Variants in CCSER1 observed in about 807,000 individuals in gnomAD.
CCSER1 encodes the protein serine-rich coiled-coil domain-containing protein 1.
CCSER1 carries 41 observed loss-of-function variants against 82.0 expected under a neutral mutation model. That is an observed-to-expected ratio of 0.50 (90% CI 0.39 to 0.65). The LOEUF is 0.65. CCSER1 is among the 30% of genes least tolerant of loss of function. CCSER1 has a pLI of 0.00. For synonymous variants in CCSER1, 414 were observed against 383.9 expected (o/e 1.08, Z -0.92); for missense variants, 1,119 against 1,064.2 (o/e 1.05, Z -0.72).
chr4:91,382,136 C>T (rs1180782092), intron 10 of CCSER1, among the ~76,000 whole-genome samples: 1 of 152,156 alleles, frequency 6.6e-6, no homozygotes, highest in African/African-American at 2.4e-5. Context: ...CAGAGGTGTA[C>T]CCAGCTGTGT....
Position 90,319,177 on chromosome 4 carries a change from G to A in CCSER1, c.1509+6130G>A, listed in dbSNP as rs547463668. Among the ~76,000 whole-genome samples the A allele has an allele frequency of 2.6e-5, 4 of 152,242 alleles. No individual in the cohort carries two copies. The South Asian group carries it at 8.3e-4, about 32-fold the overall frequency. ...CTAGTGCTGAGCAGGTTTGCTGAAAGAAAGTTGGGACAGTAAAGAAGAACG... is the reference window on the plus strand; with the variant it reads ...CTAGTGCTGAGCAGGTTTGCTGAAAAAAAGTTGGGACAGTAAAGAAGAACG... On this transcript the variant is annotated intron_variant, in intron 3 of 10. Coordinates refer to ENST00000509176, the MANE Select transcript of CCSER1 (RefSeq NM_001145065.2).
chr4:91,096,240 C>G (rs942042868), intron 10 of CCSER1, among the ~76,000 whole-genome samples: 29 of 152,260 alleles, frequency 1.9e-4, no homozygotes, highest in African/African-American at 7.0e-4. Flanking sequence ...TCTCCTGCAG[C>G]TTCTCTTCCT....
At chr4:90,385,725 T>G (rs1749934402) in intron 3 of CCSER1, among the ~76,000 whole-genome samples, 2 of 152,136 alleles carry the variant, frequency 1.3e-5, no homozygotes, top group South Asian at 4.2e-4. Context: ...TAATTTGCAT[T>G]TCCCTGATGG....
intron 5 of CCSER1, among the ~76,000 whole-genome samples, chr4:90,496,988 A>G (rs1189879945): frequency 6.6e-6 from 1 of 151,418 alleles, no homozygotes; most frequent in Non-Finnish European, 1.5e-5. Context: ...AAAAAAAAAA[A>G]AAAAAGAAAG....
In CCSER1 at chr4:91,375,520, T is replaced by C. The variant is rs528202529; in HGVS notation, c.2218-223052T>C. ...TGATGTGGGATACTTCACTGTTGTC[T>C]TTTTTTTTTTTTTTTAAGACAACTA... is the stretch of plus-strand genomic sequence containing the variant. On this transcript the variant is annotated intron_variant, in intron 10 of 10. Coordinates refer to ENST00000509176, the MANE Select transcript of CCSER1 (RefSeq NM_001145065.2). Among the ~76,000 whole-genome samples the C allele has an allele frequency of 1.2e-4, 14 of 112,646 alleles. No homozygotes were observed. In the East Asian group the frequency reaches 2.3e-3, roughly 19 times the overall value. 73.9% of individuals were successfully genotyped at this position (112,646 alleles called of 152,430 possible).
At chr4:90,237,675 A>G (rs1343942173) in intron 1 of CCSER1, among the ~76,000 whole-genome samples, 2 of 152,218 alleles carry the variant, frequency 1.3e-5, no homozygotes, top group Non-Finnish European at 2.9e-5. Flanking sequence ...ACCTACCTAT[A>G]TATGAAGCCA....
At chr4:90,378,706 G>A (rs940092920) in intron 3 of CCSER1, among the ~76,000 whole-genome samples, 6 of 152,182 alleles carry the variant, frequency 3.9e-5, no homozygotes, top group South Asian at 2.1e-4. Flanking sequence ...TCAAGAAATC[G>A]TTTAGTGTTA....
At chr4:91,310,056 T>A (rs1745358447) in intron 10 of CCSER1, among the ~76,000 whole-genome samples, 1 of 151,938 alleles carries the variant, frequency 6.6e-6, no homozygotes, top group African/African-American at 2.4e-5. Flanking sequence ...CACAATCTCC[T>A]TATGTGGTTG....
chr4:90,447,128 G>A (rs951161447), intron 4 of CCSER1, among the ~76,000 whole-genome samples: 3 of 152,128 alleles, frequency 2.0e-5, no homozygotes, highest in Non-Finnish European at 2.9e-5. Context: ...ACTGCACGTT[G>A]TCCAAGAGTT....
At chr4:90,968,602 G>A (rs113102764) in intron 9 of CCSER1, among the ~76,000 whole-genome samples, 1 of 152,052 alleles carries the variant, frequency 6.6e-6, no homozygotes, top group Non-Finnish European at 1.5e-5. Flanking sequence ...TCCTCAAGAG[G>A]GAACAGGAGG....
intron 9 of CCSER1, among the ~76,000 whole-genome samples, chr4:91,030,582 G>A (rs1297811347): frequency 1.3e-5 from 2 of 151,982 alleles, no homozygotes; most frequent in Non-Finnish European, 2.9e-5. Flanking sequence ...GAAAATAAGT[G>A]ACCTTTTCAA....
intron 10 of CCSER1, among the ~76,000 whole-genome samples, chr4:91,296,480 T>C (rs1744183302): frequency 1.5e-5 from 2 of 136,676 alleles, no homozygotes; most frequent in Admixed American, 1.4e-4. Flanking sequence ...TATATATATA[T>C]ATATATTTTA....
chr4:90,961,175 C>G (rs776625769), intron 9 of CCSER1, among the ~76,000 whole-genome samples: 2 of 152,152 alleles, frequency 1.3e-5, no homozygotes, highest in Non-Finnish European at 2.9e-5. Context: ...AAATTGCTTA[C>G]CTGTCATCAT....
chr4:91,528,333 G>C (rs1309160023), intron 10 of CCSER1, among the ~76,000 whole-genome samples: 3 of 152,050 alleles, frequency 2.0e-5, no homozygotes, highest in African/African-American at 7.2e-5. Flanking sequence ...GGTATATAAA[G>C]TGTCAAATGC....
At chr4:90,827,733 GGAA>G (rs966843926) in intron 8 of CCSER1, among the ~76,000 whole-genome samples, 7 of 152,082 alleles carry the variant, frequency 4.6e-5, no homozygotes, top group African/African-American at 1.2e-4. Context: ...TGTAGGGGAG[GGAA>G]GAATTTTCTT....
At chr4:90,748,456 T>A (rs1160914362) in intron 7 of CCSER1, among the ~76,000 whole-genome samples, 1 of 149,672 alleles carries the variant, frequency 6.7e-6, no homozygotes, top group Non-Finnish European at 1.5e-5. Flanking sequence ...TTTGGGTTGG[T>A]TCCAAGTCTT....
intron 10 of CCSER1, among the ~76,000 whole-genome samples, chr4:91,442,095 T>G (rs1755204609): frequency 6.6e-6 from 1 of 152,014 alleles, no homozygotes; most frequent in Non-Finnish European, 1.5e-5. Context: ...TACCAATGAC[T>G]TTCTTCACAG....
At chr4:91,312,596 TA>T (rs561399690) in intron 10 of CCSER1, among the ~76,000 whole-genome samples, 96 of 151,926 alleles carry the variant, frequency 6.3e-4, no homozygotes, top group African/African-American at 2.2e-3. Context: ...AAAAAAGGCA[TA>T]AAGCACGCAA....
chr4:91,143,137 A>C (rs1054728150), intron 10 of CCSER1, among the ~76,000 whole-genome samples: 29 of 151,758 alleles, frequency 1.9e-4, no homozygotes, highest in African/African-American at 7.0e-4. Context: ...TCATTTGTTT[A>C]TGTCATCACT....
Sources: allele counts gnomAD v4.1 joint callset (sites outside exome capture counted in the v4.1 genomes callset), GRCh38; gene constraint gnomAD v4.1.1; transcripts MANE v1.5; gene names NCBI Gene and HGNC (gene_info 2026-07-23, HGNC 2026-07-21).